The following RIN3 variants were observed in gnomAD, a reference collection of about 807,000 sequenced individuals.
RIN3 encodes the protein RAB5 interacting protein 3.
Under a neutral mutation model 76.3 loss-of-function variants are expected in RIN3, and 54 were observed. The ratio of observed to expected loss-of-function variants is 0.71; its 90% CI spans 0.57 to 0.89. RIN3 has a LOEUF of 0.89. RIN3 is among the 40% of genes least tolerant of loss of function. The pLI, the probability that RIN3 is intolerant of heterozygous loss-of-function variation, is 0.00. For synonymous variants in RIN3, 576 were observed against 564.0 expected (o/e 1.02, Z -0.30); for missense variants, 1,256 against 1,322.1 (o/e 0.95, Z 0.78).
In RIN3 at chr14:92,688,152, A is replaced by G. The variant is rs756303926; in HGVS notation, c.2858A>G (p.Lys953Arg). 3.1e-6 allele frequency: 5 copies of G among 1,610,324 alleles called. No homozygotes were observed. The South Asian group carries it at 5.5e-5, about 18-fold the overall frequency. The part of the protein sequence containing the change: ...IKGYLLRSEP[K>R]RDFHFVYRPL... ...GGCTACCTGCTGCGCAGCGAGCCCAAGCGCGACTTCCACTTTGTCTACCGG... is the reference window on the plus strand; with the variant it reads ...GGCTACCTGCTGCGCAGCGAGCCCAGGCGCGACTTCCACTTTGTCTACCGG... The change falls in exon 10 of 10, where the codon AAG (lysine) becomes AGG (arginine). Residue 953 changes from lysine to arginine, a missense_variant. Lys to Arg is a conservative substitution (Grantham distance 26). Transcript: ENST00000216487.
chr14:92,597,342 A>C (rs1885185536), intron 3 of RIN3, among the ~76,000 whole-genome samples: 1 of 152,174 alleles, frequency 6.6e-6, no homozygotes, highest in Admixed American at 6.5e-5. Flanking sequence ...TGACCTTTGA[A>C]ATCATCAAGC....
At chr14:92,540,163 TG>T in intron 1 of RIN3, among the ~76,000 whole-genome samples, 1 of 152,308 alleles carries the variant, frequency 6.6e-6, no homozygotes, top group East Asian at 1.9e-4. Flanking sequence ...CCCCTTGATG[TG>T]GGCTGTGACG....
intron 1 of RIN3, among the ~76,000 whole-genome samples, chr14:92,527,689 C>G (rs1318055498): frequency 6.6e-6 from 1 of 152,136 alleles, no homozygotes; most frequent in Non-Finnish European, 1.5e-5. Context: ...CTCCGCAGAC[C>G]CCCGCGTTTC....
chr14:92,543,310 A>G (rs1423673279), intron 1 of RIN3, among the ~76,000 whole-genome samples: 1 of 152,192 alleles, frequency 6.6e-6, no homozygotes, highest in Non-Finnish European at 1.5e-5. Flanking sequence ...AAAAGCAACA[A>G]GAGGAAACAC....
Position 92,651,865 on chromosome 14 carries a change from C to A in RIN3, c.816C>A (p.Thr272=), listed in dbSNP as rs1338260720. The change falls in exon 6 of 10, where the codon ACC becomes ACA. Residue 272 remains threonine, a synonymous_variant. Transcript: ENST00000216487. ...LPPTSDATSP[T]SRWAPRRPPP... ...CCACCTCTGATGCCACCTCACCCAC[C>A]TCCAGGTGGGCCCCACGCCGCCCAC... The A allele has an allele frequency of 1.2e-6, 2 of 1,609,004 alleles. No individual in the cohort carries two copies. Among genetic ancestry groups the A allele is most frequent in the African/African-American group, 2.7e-5 (2 of 74,688 alleles).
chr14:92,524,498 C>G (rs58928869), intron 1 of RIN3, among the ~76,000 whole-genome samples: 10,097 of 152,282 alleles, frequency 0.066, 1,128 homozygotes, highest in African/African-American at 0.23. Flanking sequence ...CCTGTAAGAG[C>G]CTGCCTGGAG....
At chr14:92,606,843 T>C (rs1277059538) in intron 3 of RIN3, among the ~76,000 whole-genome samples, 4 of 152,192 alleles carry the variant, frequency 2.6e-5, no homozygotes, top group African/African-American at 9.7e-5. Context: ...AGTTTGACAG[T>C]TTCTTAAACA....
intron 3 of RIN3, among the ~76,000 whole-genome samples, chr14:92,604,082 C>T (rs1043864304): frequency 1.2e-4 from 18 of 152,238 alleles, no homozygotes; most frequent in African/African-American, 4.1e-4. Flanking sequence ...TAACTATGTC[C>T]TTCAAAATGG....
chr14:92,684,141 A>G (rs1298637296), intron 8 of RIN3, among the ~76,000 whole-genome samples: 1 of 152,178 alleles, frequency 6.6e-6, no homozygotes, highest in Non-Finnish European at 1.5e-5. Flanking sequence ...GCACTTTGGG[A>G]GGCTGAGGCG....
chr14:92,545,458 A>G lies in RIN3; in HGVS notation c.45-10293A>G, dbSNP rs370020856. Among the ~76,000 whole-genome samples the G allele has an allele frequency of 5.3e-5, 8 of 152,228 alleles. No individual in the cohort carries two copies. The South Asian group carries it at 1.7e-3, about 32-fold the overall frequency. ...TCAGACTGGCAGAAGAGTTACAGGA[A>G]TAGTACAGTGAATTCTTGTTGGTAC... On this transcript the variant is annotated intron_variant, in intron 1 of 9. Transcript: ENST00000216487.
rs145291418 is a variant in RIN3 at position 92,617,229 on chromosome 14, G to A, written c.440+1750G>A. 8.6e-3 allele frequency among the ~76,000 whole-genome samples: 1,311 copies of A among 152,190 alleles called. 15 individuals are homozygous for A. The highest frequency in any genetic ancestry group is 0.031 in the Middle Eastern group (9 of 294). On this transcript the variant is annotated intron_variant, in intron 4 of 9. Coordinates refer to ENST00000216487, the MANE Select transcript of RIN3 (RefSeq NM_024832.5). The stretch of plus-strand genomic sequence containing the variant: ...ACAGGAGAATTGCTTGAACCTGGGA[G>A]GCAGAGGTTGCAGTGAACCAAGATC...
intron 8 of RIN3, among the ~76,000 whole-genome samples, chr14:92,678,920 C>T (rs548733499): frequency 2.6e-5 from 4 of 152,294 alleles, no homozygotes; most frequent in South Asian, 2.1e-4. Flanking sequence ...ACCACAGGCA[C>T]GGTGGCTGAG....
intron 2 of RIN3, among the ~76,000 whole-genome samples, chr14:92,570,234 GCAC>G (rs1477435307): frequency 3.3e-5 from 5 of 152,192 alleles, no homozygotes; most frequent in Non-Finnish European, 7.3e-5. Flanking sequence ...CTTCCCAGGG[GCAC>G]CACTGGCTCC....
intron 3 of RIN3, among the ~76,000 whole-genome samples, chr14:92,602,392 TC>T (rs2140089688): frequency 6.6e-6 from 1 of 152,268 alleles, no homozygotes; most frequent in Non-Finnish European, 1.5e-5. Context: ...CCGATTGCAT[TC>T]CTGTAGGAGG....
chr14:92,677,546 C>G (rs181531532), intron 8 of RIN3, among the ~76,000 whole-genome samples: 1 of 151,968 alleles, frequency 6.6e-6, no homozygotes, highest in Admixed American at 6.6e-5. Flanking sequence ...CTCAGGGGAG[C>G]GTGTTAAAGC....
At chr14:92,609,263 G>A (rs1032209984) in intron 3 of RIN3, among the ~76,000 whole-genome samples, 1 of 152,224 alleles carries the variant, frequency 6.6e-6, no homozygotes, top group African/African-American at 2.4e-5. Flanking sequence ...GGGCTGGCAT[G>A]TGTGTACCCA....
In RIN3 at chr14:92,513,921, G is replaced by A; in HGVS notation, c.-12G>A. On this transcript the variant is annotated 5_prime_UTR_variant, in exon 1 of 10. Transcript: ENST00000216487. ...GAGCGCCTCCGTTCCCCGTCCCGGA[G>A]CTGCCGGCGGCATGATCCGACACGC... The A allele has an allele frequency of 2.4e-6, 3 of 1,250,906 alleles. No homozygotes were observed. The highest frequency in any genetic ancestry group is 3.0e-6 in the Non-Finnish European group (3 of 997,922). 77.5% of individuals were successfully genotyped at this position (1,250,906 alleles called of 1,614,324 possible). A position where few individuals can be genotyped will look rare whatever the true frequency, so the allele number is the denominator to read the frequency against.
intron 3 of RIN3, among the ~76,000 whole-genome samples, chr14:92,592,919 C>A (rs1885035148): frequency 6.6e-6 from 1 of 152,008 alleles, no homozygotes; most frequent in African/African-American, 2.4e-5. Flanking sequence ...GATGATCCAC[C>A]TGCCTCGGCC....
intron 4 of RIN3, among the ~76,000 whole-genome samples, chr14:92,627,661 C>T (rs572169282): frequency 2.0e-5 from 3 of 152,286 alleles, no homozygotes; most frequent in Non-Finnish European, 4.4e-5. Context: ...CCAACGTTGC[C>T]GAGAGTCCAG....
Sources: gnomAD v4.1 joint callset for allele counts (sites outside exome capture counted in the v4.1 genomes callset) on GRCh38, gnomAD v4.1.1 for gene constraint, MANE v1.5 for transcripts, NCBI Gene and HGNC (gene_info 2026-07-23, HGNC 2026-07-21) for gene names.